Variants in RUNX2 observed in about 807,000 individuals in gnomAD.
RUNX2 encodes the protein runt-related transcription factor 2.
In RUNX2, 10 loss-of-function variants were observed where a neutral mutation model predicts 51.7. That is an observed-to-expected ratio of 0.19 (90% confidence interval 0.12 to 0.33). The LOEUF (loss-of-function observed/expected upper bound fraction) is 0.33. Among genes scored for constraint, RUNX2 ranks in the 10% least tolerant of loss-of-function variants. The pLI is 1.00. For synonymous variants in RUNX2, 276 were observed against 273.6 expected, an observed-to-expected ratio of 1.01 and a Z score of -0.09; for missense variants, 562 against 691.3, an observed-to-expected ratio of 0.81 and a Z score of 2.10.
intron 2 of RUNX2, among the ~76,000 whole-genome samples, chr6:45,363,740 T>C (rs1445329175): frequency 1.3e-5 from 2 of 152,086 alleles, no homozygotes; most frequent in Non-Finnish European, 2.9e-5. Context: ...ATTTAAAATA[T>C]AGGCTCACTT....
chr6:45,537,663 G>T (rs1478171896), intron 7 of RUNX2, among the ~76,000 whole-genome samples: 1 of 152,118 alleles, frequency 6.6e-6, no homozygotes, highest in Non-Finnish European at 1.5e-5. Flanking sequence ...TCACTTATAG[G>T]ATTCATATGG....
chr6:45,453,693 T>A (rs1799240237), intron 5 of RUNX2, among the ~76,000 whole-genome samples: 1 of 152,172 alleles, frequency 6.6e-6, no homozygotes, highest in South Asian at 2.1e-4. Context: ...GGTCTTGAGA[T>A]TCAAAGGGAA....
intron 2 of RUNX2, among the ~76,000 whole-genome samples, chr6:45,352,561 A>G (rs569773591): frequency 2.0e-5 from 3 of 152,304 alleles, no homozygotes; most frequent in African/African-American, 7.2e-5. Flanking sequence ...AAACAAAATT[A>G]CAGATTGGGA....
intron 2 of RUNX2, among the ~76,000 whole-genome samples, chr6:45,408,016 A>G (rs949235029): frequency 2.0e-5 from 3 of 152,216 alleles, no homozygotes; most frequent in African/African-American, 7.2e-5. Flanking sequence ...ATGAAAGAAC[A>G]TAACTACATT....
chr6:45,363,738 T>A (rs1045664303), intron 2 of RUNX2, among the ~76,000 whole-genome samples: 3 of 152,090 alleles, frequency 2.0e-5, no homozygotes, highest in Non-Finnish European at 2.9e-5. Flanking sequence ...TAATTTAAAA[T>A]ATAGGCTCAC....
intron 5 of RUNX2, among the ~76,000 whole-genome samples, chr6:45,445,099 A>C (rs1212813963): frequency 2.0e-5 from 3 of 152,204 alleles, no homozygotes; most frequent in Non-Finnish European, 4.4e-5. Flanking sequence ...ATCTCGGCTC[A>C]CTGCAACCTC....
intron 2 of RUNX2, among the ~76,000 whole-genome samples, chr6:45,402,075 C>T (rs1797722666): frequency 6.6e-6 from 1 of 152,218 alleles, no homozygotes; most frequent in South Asian, 2.1e-4. Flanking sequence ...TAATTATGCT[C>T]TTAGATGCAT....
chr6:45,420,055 TA>T (rs1438534777), intron 2 of RUNX2, among the ~76,000 whole-genome samples: 1 of 151,508 alleles, frequency 6.6e-6, no homozygotes, highest in African/African-American at 2.4e-5. Flanking sequence ...CAGGTAAAAA[TA>T]AAGCCCCAAT....
intron 2 of RUNX2, among the ~76,000 whole-genome samples, chr6:45,335,599 C>T (rs1355973767): frequency 1.3e-5 from 2 of 151,216 alleles, no homozygotes; most frequent in African/African-American, 4.8e-5. Flanking sequence ...TACAGGATCA[C>T]AGAAAGGAAA....
chr6:45,520,481 A>G (rs946855327), intron 7 of RUNX2, among the ~76,000 whole-genome samples: 1 of 152,156 alleles, frequency 6.6e-6, no homozygotes, highest in African/African-American at 2.4e-5. Flanking sequence ...CTCCCAAAAT[A>G]TTTGACTCTC....
intron 7 of RUNX2, among the ~76,000 whole-genome samples, chr6:45,532,229 A>G (rs528015633): frequency 5.5e-5 from 7 of 127,262 alleles, no homozygotes; most frequent in Non-Finnish European, 9.4e-5. Flanking sequence ...TTTGAAAACT[A>G]GTACTGCTTT....
At chr6:45,331,779 A>C (rs1394938328) in intron 2 of RUNX2, among the ~76,000 whole-genome samples, 1 of 151,962 alleles carries the variant, frequency 6.6e-6, no homozygotes, top group Non-Finnish European at 1.5e-5. Context: ...AATATACATG[A>C]TTACATTATG....
chr6:45,360,404 T>C (rs1008560798), intron 2 of RUNX2, among the ~76,000 whole-genome samples: 3 of 152,348 alleles, frequency 2.0e-5, no homozygotes, highest in Admixed American at 1.3e-4. Flanking sequence ...AGTATGTTCG[T>C]ACTTTTTACC....
At chr6:45,332,221 T>C (rs1787657706) in intron 2 of RUNX2, among the ~76,000 whole-genome samples, 2 of 151,812 alleles carry the variant, frequency 1.3e-5, no homozygotes, top group African/African-American at 2.4e-5. Flanking sequence ...TCAACAAATA[T>C]TCATCTAGAG....
At chr6:45,504,463 C>G (rs1418737498) in intron 6 of RUNX2, among the ~76,000 whole-genome samples, 1 of 152,190 alleles carries the variant, frequency 6.6e-6, no homozygotes, top group Non-Finnish European at 1.5e-5. Context: ...AGCCTCCAGT[C>G]TAGGGCTCTT....
At chr6:45,489,603 G>T (rs1800394919) in intron 5 of RUNX2, among the ~76,000 whole-genome samples, 1 of 152,138 alleles carries the variant, frequency 6.6e-6, no homozygotes, top group Non-Finnish European at 1.5e-5. Flanking sequence ...CAAAAATATG[G>T]CCTATTAAGA....
intron 7 of RUNX2, among the ~76,000 whole-genome samples, chr6:45,533,522 G>A (rs1346721875): frequency 2.0e-5 from 3 of 152,154 alleles, no homozygotes; most frequent in East Asian, 1.9e-4. Context: ...TAAAAGGGAC[G>A]TTTTTCTTGC....
intron 2 of RUNX2, among the ~76,000 whole-genome samples, chr6:45,415,881 GGGAAGAAAAATGATCT>G (rs1236619049): frequency 1.3e-5 from 2 of 152,152 alleles, no homozygotes; most frequent in African/African-American, 2.4e-5. Flanking sequence ...GGCACACCTA[GGGAAGAAAAATGATCT>G]GGAAGAAATA....
chr6:45,512,123 A>G (rs935320050), intron 6 of RUNX2, 123 bp from the exon 7 acceptor site: 2 of 783,582 alleles, frequency 2.6e-6, no homozygotes, highest in East Asian at 2.7e-5. Context: ...TATATTATAT[A>G]TATATAAGCC....
Sources: gnomAD v4.1 joint callset for allele counts (sites outside exome capture counted in the v4.1 genomes callset) on GRCh38, gnomAD v4.1.1 for gene constraint, MANE v1.5 for transcripts, NCBI Gene and HGNC (gene_info 2026-07-23, HGNC 2026-07-21) for gene names.